Variants in LRRTM4 observed in about 807,000 individuals in gnomAD.
LRRTM4 encodes leucine rich repeat transmembrane neuronal 4.
In LRRTM4, 25 loss-of-function variants were observed where a neutral mutation model predicts 47.6. That is an observed-to-expected ratio of 0.53 (90% CI 0.38 to 0.73). The LOEUF is 0.73. Among genes scored for constraint, LRRTM4 ranks in the 30% least tolerant of loss-of-function variants. LRRTM4 has a pLI of 0.00. For missense variants in LRRTM4, 638 were observed against 713.4 expected, an observed-to-expected ratio of 0.89 and a Z score of 1.20; for synonymous variants, 311 against 269.5, an observed-to-expected ratio of 1.15 and a Z score of -1.51.
chr2:76,759,395 T>C (rs1212168513), intron 3 of LRRTM4, among the ~76,000 whole-genome samples: 4 of 152,228 alleles, frequency 2.6e-5, no homozygotes, highest in South Asian at 4.1e-4. Flanking sequence ...GAACCTTCAG[T>C]TGGGAGTGCT....
At chr2:77,025,795 A>T (rs1214654020) in intron 3 of LRRTM4, among the ~76,000 whole-genome samples, 1 of 152,078 alleles carries the variant, frequency 6.6e-6, no homozygotes, top group Non-Finnish European at 1.5e-5. Context: ...AAGTTGTATA[A>T]TTTTTTTATC....
At chr2:77,012,242 T>C (rs563076529) in intron 3 of LRRTM4, among the ~76,000 whole-genome samples, 115 of 152,260 alleles carry the variant, frequency 7.6e-4, no homozygotes, top group African/African-American at 2.2e-3. Flanking sequence ...CTGGAATAAT[T>C]CGTTAGAAAT....
At chr2:77,501,675 T>C (rs1173864200) in intron 3 of LRRTM4, among the ~76,000 whole-genome samples, 1 of 151,058 alleles carries the variant, frequency 6.6e-6, no homozygotes, top group East Asian at 1.9e-4. Flanking sequence ...TACAATCAAA[T>C]CCTACCTAAA....
At chr2:77,251,007 G>T (rs1675588707) in intron 3 of LRRTM4, among the ~76,000 whole-genome samples, 1 of 151,912 alleles carries the variant, frequency 6.6e-6, no homozygotes, top group Admixed American at 6.6e-5. Context: ...GAAGGCTGAG[G>T]CAGGAGAATC....
At chr2:76,892,344 G>A (rs1312318165) in intron 3 of LRRTM4, among the ~76,000 whole-genome samples, 1 of 151,504 alleles carries the variant, frequency 6.6e-6, no homozygotes, top group Non-Finnish European at 1.5e-5. Context: ...GAACTTATAT[G>A]TGTTTAAACT....
intron 3 of LRRTM4, among the ~76,000 whole-genome samples, chr2:77,057,692 A>G: frequency 6.6e-6 from 1 of 152,128 alleles, no homozygotes; most frequent in East Asian, 1.9e-4. Context: ...ACTCCATTAA[A>G]TCAGGACCTC....
chr2:77,069,631 A>C (rs1207462869), intron 3 of LRRTM4, among the ~76,000 whole-genome samples: 2 of 152,068 alleles, frequency 1.3e-5, no homozygotes, highest in African/African-American at 2.4e-5. Flanking sequence ...TGTGTATTTC[A>C]AGAGATTTGT....
intron 3 of LRRTM4, among the ~76,000 whole-genome samples, chr2:77,221,250 C>A (rs1290548166): frequency 6.6e-6 from 1 of 152,214 alleles, no homozygotes; most frequent in Non-Finnish European, 1.5e-5. Flanking sequence ...ACTGCAAAAA[C>A]ATGCCAAATT....
chr2:77,199,851 A>G (rs1460000250), intron 3 of LRRTM4, among the ~76,000 whole-genome samples: 1 of 152,134 alleles, frequency 6.6e-6, no homozygotes, highest in African/African-American at 2.4e-5. Context: ...GAAGTGTCAC[A>G]TGCCATAACC....
At chr2:77,470,668 A>C (rs1378749176) in intron 3 of LRRTM4, among the ~76,000 whole-genome samples, 1 of 152,106 alleles carries the variant, frequency 6.6e-6, no homozygotes, top group African/African-American at 2.4e-5. Flanking sequence ...TTAATGCTTC[A>C]TCTGAGTTTT....
intron 3 of LRRTM4, among the ~76,000 whole-genome samples, chr2:76,991,628 A>G (rs1677013233): frequency 6.6e-6 from 1 of 151,700 alleles, no homozygotes; most frequent in Non-Finnish European, 1.5e-5. Context: ...GAGTTCTGAA[A>G]TTGCATCAAT....
intron 3 of LRRTM4, among the ~76,000 whole-genome samples, chr2:77,384,419 T>C (rs77801642): frequency 4.6e-5 from 7 of 151,878 alleles, no homozygotes; most frequent in Non-Finnish European, 1.5e-5. Context: ...ATTAGGATAT[T>C]ATAAGAAATA....
intron 3 of LRRTM4, among the ~76,000 whole-genome samples, chr2:76,853,976 C>T (rs1391234419): frequency 1.3e-5 from 2 of 152,114 alleles, no homozygotes; most frequent in African/African-American, 4.8e-5. Flanking sequence ...ATTTCAGTTG[C>T]TCATTTTTCT....
At chr2:76,929,238 T>G (rs913919174) in intron 3 of LRRTM4, among the ~76,000 whole-genome samples, 9 of 150,950 alleles carry the variant, frequency 6.0e-5, no homozygotes, top group African/African-American at 2.2e-4. Context: ...TTTGTTTGCT[T>G]TGTTTTGTTT....
intron 3 of LRRTM4, among the ~76,000 whole-genome samples, chr2:76,884,929 C>A (rs1673028157): frequency 1.3e-5 from 2 of 151,772 alleles, no homozygotes; most frequent in South Asian, 2.1e-4. Flanking sequence ...AGTCATTATG[C>A]CTTCAAAATG....
At chr2:76,998,530 T>C (rs1184904454) in intron 3 of LRRTM4, among the ~76,000 whole-genome samples, 1 of 151,988 alleles carries the variant, frequency 6.6e-6, no homozygotes, top group Non-Finnish European at 1.5e-5. Flanking sequence ...ACAACAATAA[T>C]GTCAACAACC....
intron 3 of LRRTM4, among the ~76,000 whole-genome samples, chr2:76,947,247 G>C (rs1675351652): frequency 6.6e-6 from 1 of 151,874 alleles, no homozygotes; most frequent in Non-Finnish European, 1.5e-5. Context: ...AGACTACACT[G>C]ATATGTCCTG....
intron 3 of LRRTM4, among the ~76,000 whole-genome samples, chr2:76,966,007 C>T (rs1573378053): frequency 6.6e-6 from 1 of 151,546 alleles, no homozygotes; most frequent in Non-Finnish European, 1.5e-5. Context: ...CCAACATCTA[C>T]TCTGGTGGCA....
intron 3 of LRRTM4, among the ~76,000 whole-genome samples, chr2:77,053,332 C>T (rs1441466287): frequency 6.6e-6 from 1 of 151,850 alleles, no homozygotes; most frequent in African/African-American, 2.4e-5. Context: ...AATAAGACAA[C>T]AATGCAGGAT....
Sources: allele counts gnomAD v4.1 joint callset (sites outside exome capture counted in the v4.1 genomes callset), GRCh38; gene constraint gnomAD v4.1.1; transcripts MANE v1.5; gene names NCBI Gene and HGNC (gene_info 2026-07-23, HGNC 2026-07-21).